FAM120A: variants seen among roughly 807,000 people sequenced by gnomAD.
FAM120A encodes constitutive coactivator of PPAR-gamma-like protein 1.
FAM120A carries 15 observed loss-of-function variants against 109.7 expected under a neutral mutation model. The observed-to-expected ratio is 0.14, with a 90% CI of 0.09 to 0.21. FAM120A has a LOEUF of 0.21. Among genes scored for constraint, FAM120A ranks in the 10% least tolerant of loss-of-function variants. The pLI is 1.00. For synonymous variants in FAM120A, 493 were observed against 572.8 expected (o/e 0.86, Z 1.99); for missense variants, 899 against 1,439.3 (o/e 0.62, Z 6.07).
intron 12 of FAM120A, among the ~76,000 whole-genome samples, chr9:93,554,118 G>GAC (rs1198300929): frequency 6.6e-5 from 2 of 30,426 alleles, no homozygotes; most frequent in East Asian, 1.5e-3. Flanking sequence ...AAGGCCATTT[G>GAC]ATACACACAC....
At chr9:93,464,976 C>T (rs184068822) in intron 1 of FAM120A, among the ~76,000 whole-genome samples, 17 of 152,240 alleles carry the variant, frequency 1.1e-4, no homozygotes, top group Non-Finnish European at 2.2e-4. Flanking sequence ...ATGCCCAGTC[C>T]AAGCCAGGCA....
intron 13 of FAM120A, among the ~76,000 whole-genome samples, chr9:93,557,304 A>G (rs1326167919): frequency 6.6e-6 from 1 of 151,664 alleles, no homozygotes; most frequent in Non-Finnish European, 1.5e-5. Flanking sequence ...TAATTTTTGT[A>G]TTTTTAGTAG....
In FAM120A at chr9:93,557,866, G is replaced by C; in HGVS notation, c.2524G>C (p.Val842Leu). Residue 842 changes from valine to leucine, a missense_variant, in exon 14 of 18, where the codon GTC (valine) becomes CTC (leucine). Physicochemically the swap from Val to Leu is conservative, Grantham distance 32 (BLOSUM62 1). Transcript: ENST00000277165. Reference protein sequence around the residue: ...AAKVEKMRQSVLEGLSFSRQS... With the variant: ...AAKVEKMRQSLLEGLSFSRQS... ...CAAGGTAGAGAAGATGCGCCAGAGC[G>C]TCCTCGAGGGGCTCAGCTTCTCCAG... The C allele has an allele frequency of 6.2e-7, 1 of 1,613,838 alleles. No individual in the cohort carries two copies. Among genetic ancestry groups the C allele is most frequent in the South Asian group, 1.1e-5 (1 of 91,078 alleles).
At chr9:93,509,340 T>TG (rs1037391908) in intron 5 of FAM120A, among the ~76,000 whole-genome samples, 16 of 152,178 alleles carry the variant, frequency 1.1e-4, no homozygotes, top group Admixed American at 1.0e-3. Flanking sequence ...GGAGCATGGA[T>TG]GGCCTCGGGG....
chr9:93,483,341 C>T (rs1858903960), intron 3 of FAM120A, among the ~76,000 whole-genome samples: 1 of 150,618 alleles, frequency 6.6e-6, no homozygotes, highest in African/African-American at 2.4e-5. Context: ...ATATTAGGGG[C>T]CTGAAAGGTA....
rs79097174 is a variant in FAM120A, at chr9:93,543,858, T to C, written c.2159+387T>C. 8.5e-5 allele frequency among the ~76,000 whole-genome samples: 13 copies of C among 152,312 alleles called. No homozygotes were observed. The East Asian group carries it at 2.3e-3, about 27-fold the overall frequency. Reference sequence around the variant, plus strand: ...TCTTCCCCCTTCATTTATTTAATCATTTACAGTCACACATTGCTTAATGAT... The same window carrying C: ...TCTTCCCCCTTCATTTATTTAATCACTTACAGTCACACATTGCTTAATGAT... On this transcript the variant is annotated intron_variant, in intron 11 of 17. Transcript: ENST00000277165.
chr9:93,489,146 G>T (rs958663733), intron 3 of FAM120A, among the ~76,000 whole-genome samples: 2 of 152,064 alleles, frequency 1.3e-5, no homozygotes, highest in African/African-American at 2.4e-5. Context: ...CTTAAAAAAA[G>T]GCGCAATTTT....
At chr9:93,465,864 C>G (rs1380259828) in intron 1 of FAM120A, among the ~76,000 whole-genome samples, 1 of 152,160 alleles carries the variant, frequency 6.6e-6, no homozygotes, top group African/African-American at 2.4e-5. Flanking sequence ...TTCTGTTTGT[C>G]TTTGGTGATC....
chr9:93,489,249 C>G (rs571803520), intron 3 of FAM120A, among the ~76,000 whole-genome samples: 1 of 152,184 alleles, frequency 6.6e-6, no homozygotes, highest in Non-Finnish European at 1.5e-5. Flanking sequence ...ACTTAGTAAG[C>G]TCCTCTATAA....
At chr9:93,499,188 A>G (rs1859696446) in intron 5 of FAM120A, among the ~76,000 whole-genome samples, 1 of 151,888 alleles carries the variant, frequency 6.6e-6, no homozygotes, top group Non-Finnish European at 1.5e-5. Flanking sequence ...TAAATACAGA[A>G]TTGCCTGAGG....
chr9:93,460,659 T>C (rs1263093168), intron 1 of FAM120A, among the ~76,000 whole-genome samples: 1 of 152,206 alleles, frequency 6.6e-6, no homozygotes, highest in Non-Finnish European at 1.5e-5. Context: ...TTTTATGTTT[T>C]CTCTAGAAGT....
chr9:93,491,234 G>GT (rs1176627506), intron 3 of FAM120A, among the ~76,000 whole-genome samples: 2 of 151,930 alleles, frequency 1.3e-5, no homozygotes, highest in African/African-American at 2.4e-5. Flanking sequence ...CCTCTTGGAG[G>GT]TTTTTTTTAA....
At chr9:93,478,866 T>G (rs1267156994) in intron 3 of FAM120A, among the ~76,000 whole-genome samples, 2 of 152,182 alleles carry the variant, frequency 1.3e-5, no homozygotes, top group Admixed American at 6.5e-5. Flanking sequence ...GATGTGGTTT[T>G]ACTCCCCATG....
At chr9:93,471,539 C>T (rs1858315158) in intron 2 of FAM120A, 152 bp downstream of exon 2, 7 of 984,392 alleles carry the variant, frequency 7.1e-6, no homozygotes, top group East Asian at 2.5e-5. Flanking sequence ...TTCCTTGCTT[C>T]GTATTATTTT....
intron 10 of FAM120A, among the ~76,000 whole-genome samples, chr9:93,542,392 TTTTTG>T (rs1258313406): frequency 6.6e-6 from 1 of 152,248 alleles, no homozygotes; most frequent in African/African-American, 2.4e-5. Context: ...ATATGGATTG[TTTTTG>T]TTTTATTTCC....
Position 93,452,836 on chromosome 9 carries a change from G to A in FAM120A, c.474+447G>A, listed in dbSNP as rs1857332266. 4 of 1,533,186 alleles carry A rather than the reference G, an allele frequency of 2.6e-6. No homozygotes were observed. In the Admixed American group the frequency reaches 6.6e-5, roughly 25 times the overall value. The allele number at this position is 1,533,186 out of a possible 1,614,324, so 95.0% of individuals were successfully genotyped here. On this transcript the variant is annotated intron_variant, in intron 1 of 17. Transcript: ENST00000277165. This position sits in a 1 kb window ranked among gnomAD's most constrained non-coding sequence, Gnocchi z 7.0. ...GCAGGCAGGATACAGAGTAATAGAGGGGGTTTCGCCAGAGCCCTTGGGGGC... is the reference window on the plus strand; with the variant it reads ...GCAGGCAGGATACAGAGTAATAGAGAGGGTTTCGCCAGAGCCCTTGGGGGC...
At chr9:93,471,081 A>C (rs1858290587) in intron 1 of FAM120A, 60 bp from the exon 2 acceptor site, 2 of 1,574,034 alleles carry the variant, frequency 1.3e-6, no homozygotes, top group African/African-American at 2.7e-5. Flanking sequence ...ATTTCTGCTT[A>C]TTGAGCTTGT....
chr9:93,540,396 TC>T (rs1424758833), intron 10 of FAM120A, among the ~76,000 whole-genome samples: 1 of 152,228 alleles, frequency 6.6e-6, no homozygotes, highest in African/African-American at 2.4e-5. Context: ...GACTTGCTGT[TC>T]TTGTCATAAC....
intron 2 of FAM120A, among the ~76,000 whole-genome samples, chr9:93,475,025 G>T (rs1252095483): frequency 6.6e-6 from 1 of 152,184 alleles, no homozygotes; most frequent in Admixed American, 6.5e-5. Flanking sequence ...CCTCTGGCTT[G>T]TGTGTTTGTG....
Sources: gnomAD v4.1 joint callset for allele counts (sites outside exome capture counted in the v4.1 genomes callset) on GRCh38, gnomAD v4.1.1 for gene constraint, Gnocchi (gnomAD v3.1) non-coding constraint, MANE v1.5 for transcripts, NCBI Gene and HGNC (gene_info 2026-07-23, HGNC 2026-07-21) for gene names.